CLASP1: variants seen among roughly 807,000 people sequenced by gnomAD.
The protein encoded by CLASP1 is CLIP-associating protein 1.
Under a neutral mutation model 192.3 loss-of-function variants are expected in CLASP1, and 38 were observed. The observed-to-expected ratio is 0.20, with a 90% confidence interval of 0.15 to 0.26. The LOEUF (loss-of-function observed/expected upper bound fraction) is 0.26, where lower values mean the gene tolerates loss of function less well. Ranked by LOEUF, CLASP1 falls within the 10% of genes least tolerant of loss-of-function variation. The pLI is 1.00. For missense variants in CLASP1, 1,433 were observed against 1,932.5 expected (o/e 0.74, Z 4.85); for synonymous variants, 691 against 712.8 (o/e 0.97, Z 0.49).
intron 2 of CLASP1, chr2:121,530,928 A>T (rs752923122): frequency 1.4e-6 from 1 of 699,860 alleles, no homozygotes; most frequent in Non-Finnish European, 2.6e-6. Flanking sequence ...GCGCATAGTG[A>T]GGGCAGTACT....
chr2:121,417,119 T>C (rs553950913), intron 23 of CLASP1, among the ~76,000 whole-genome samples: 1 of 152,326 alleles, frequency 6.6e-6, no homozygotes, highest in East Asian at 1.9e-4. Context: ...TTCAACATTC[T>C]GGGTTGTCAC....
At chr2:121,385,990 T>G (rs1349768071) in intron 32 of CLASP1, among the ~76,000 whole-genome samples, 1 of 152,100 alleles carries the variant, frequency 6.6e-6, no homozygotes, top group Non-Finnish European at 1.5e-5. Context: ...AGAGGGAAAC[T>G]TGAGGGAGTA....
At chr2:121,461,285 G>A in intron 10 of CLASP1, 92 bp from the exon 11 acceptor site, 1 of 678,680 alleles carries the variant, frequency 1.5e-6, no homozygotes, top group Non-Finnish European at 2.5e-6. Flanking sequence ...ATTAAGTATG[G>A]TAAAAGAAAT....
Position 121,574,691 on chromosome 2 carries a change from C to A in CLASP1, c.195+31010G>T, listed in dbSNP as rs1431925624. On this transcript the variant is annotated intron_variant, in intron 2 of 39. Transcript: ENST00000263710. ...CGGTGGCTCACGCCTGTAATCCCAG[C>A]ACTTTGGGAGGCCGAGGCAGGCGGA... 2.0e-5 allele frequency among the ~76,000 whole-genome samples: 3 copies of A among 149,638 alleles called. No homozygotes were observed. The East Asian group carries it at 6.0e-4, about 30-fold the overall frequency.
At chr2:121,356,324 T>C (rs1013317396) in intron 37 of CLASP1, among the ~76,000 whole-genome samples, 3 of 152,108 alleles carry the variant, frequency 2.0e-5, no homozygotes, top group African/African-American at 7.2e-5. Context: ...TATCCACCAG[T>C]AGACTGGGGA....
intron 1 of CLASP1, among the ~76,000 whole-genome samples, chr2:121,608,733 G>A (rs1033157002): frequency 1.3e-5 from 2 of 152,084 alleles, no homozygotes; most frequent in African/African-American, 4.8e-5. Context: ...AATTCAGAGC[G>A]GTTGGTTACA....
At chr2:121,528,246 C>G (rs2094631941) in intron 4 of CLASP1, among the ~76,000 whole-genome samples, 1 of 152,102 alleles carries the variant, frequency 6.6e-6, no homozygotes, top group Non-Finnish European at 1.5e-5. Context: ...TCTGATCACC[C>G]CCCAATAAAG....
At chr2:121,367,363 T>C (rs2067615276) in intron 35 of CLASP1, among the ~76,000 whole-genome samples, 1 of 152,224 alleles carries the variant, frequency 6.6e-6, no homozygotes, top group Non-Finnish European at 1.5e-5. Flanking sequence ...TGACTGTTTA[T>C]TTCCTCACTG....
chr2:121,339,591 A>C (rs2062616428), exon 40 of CLASP1: 1 of 152,150 alleles, frequency 6.6e-6, no homozygotes, highest in African/African-American at 2.4e-5. Context: ...TTAGGCTCTA[A>C]AGGTGTTTTT....
chr2:121,496,629 C>A (rs1028633932), intron 8 of CLASP1, among the ~76,000 whole-genome samples: 7 of 152,170 alleles, frequency 4.6e-5, no homozygotes, highest in Non-Finnish European at 1.0e-4. Context: ...GACTAAGAGG[C>A]CAGCCTGCAA....
exon 2 of CLASP1, chr2:121,606,028 T>A: frequency 1.4e-6 from 1 of 712,610 alleles, no homozygotes; most frequent in Non-Finnish European, 2.3e-6. Context: ...AGATGCAATC[T>A]GGGGAATGGC....
At chr2:121,589,761 T>A (rs2062167632) in intron 2 of CLASP1, among the ~76,000 whole-genome samples, 1 of 151,944 alleles carries the variant, frequency 6.6e-6, no homozygotes, top group Non-Finnish European at 1.5e-5. Context: ...AAGAGTGGAA[T>A]ATTCAAAAGA....
intron 6 of CLASP1, among the ~76,000 whole-genome samples, chr2:121,520,043 T>C (rs937129970): frequency 2.0e-5 from 3 of 152,196 alleles, no homozygotes; most frequent in Non-Finnish European, 2.9e-5. Flanking sequence ...AGGTCTTATA[T>C]GTATGCTTTA....
intron 8 of CLASP1, among the ~76,000 whole-genome samples, chr2:121,493,468 C>T (rs1044416819): frequency 2.0e-5 from 3 of 152,074 alleles, no homozygotes; most frequent in African/African-American, 7.2e-5. Flanking sequence ...AAACTGGACC[C>T]CCATATCTCT....
At chr2:121,370,053 C>A (rs916535695) in intron 34 of CLASP1, among the ~76,000 whole-genome samples, 2 of 152,114 alleles carry the variant, frequency 1.3e-5, no homozygotes, top group African/African-American at 4.8e-5. Flanking sequence ...TATAAGTCTG[C>A]TGTATTTCTG....
intron 2 of CLASP1, among the ~76,000 whole-genome samples, chr2:121,585,751 G>C (rs2061649854): frequency 6.6e-6 from 1 of 151,974 alleles, no homozygotes; most frequent in African/African-American, 2.4e-5. Context: ...TACAAAATTA[G>C]CTGGGCACGG....
intron 19 of CLASP1, among the ~76,000 whole-genome samples, chr2:121,434,048 T>C (rs2081921407): frequency 6.6e-6 from 1 of 152,236 alleles, no homozygotes; most frequent in Non-Finnish European, 1.5e-5. Flanking sequence ...GGAGTATCTT[T>C]TCCATTTTTA....
At chr2:121,526,206 C>T (rs1357023419) in intron 5 of CLASP1, among the ~76,000 whole-genome samples, 1 of 152,232 alleles carries the variant, frequency 6.6e-6, no homozygotes, top group East Asian at 1.9e-4. Flanking sequence ...GAGCTCCAGC[C>T]CCCCAGGTCC....
intron 37 of CLASP1, among the ~76,000 whole-genome samples, chr2:121,350,204 C>T (rs759903115): frequency 1.2e-4 from 19 of 152,250 alleles, no homozygotes; most frequent in Non-Finnish European, 2.2e-4. Flanking sequence ...AATAACTCAG[C>T]TCTAACTTCA....
Sources: allele counts gnomAD v4.1 joint callset (sites outside exome capture counted in the v4.1 genomes callset), GRCh38; gene constraint gnomAD v4.1.1; transcripts MANE v1.5; gene names NCBI Gene and HGNC (gene_info 2026-07-23, HGNC 2026-07-21).